IGSF9B: variants seen among roughly 807,000 people sequenced by gnomAD.
IGSF9B encodes the protein immunoglobulin superfamily member 9B.
In IGSF9B, 48 loss-of-function variants were observed where a neutral mutation model predicts 143.7. The ratio of observed to expected loss-of-function variants is 0.33; its 90% CI spans 0.26 to 0.42. The LOEUF is 0.42. Among genes scored for constraint, IGSF9B ranks in the 20% least tolerant of loss-of-function variants. The pLI is 1.00. For missense variants in IGSF9B, 1,706 were observed against 1,980.0 expected (o/e 0.86, Z 2.63); for synonymous variants, 903 against 833.1 (o/e 1.08, Z -1.44).
rs1939059962 is a variant in IGSF9B at position 133,898,499 on chromosome 11, A to T, written c.*10570T>A. On this transcript the variant is annotated 3_prime_UTR_variant, in exon 20 of 20. Transcript: ENST00000533871. ...AGTCCCTCCTGGGGAAGAGAAAAAC[A>T]CTGAAGACCAAGGGGCAGGAGTCAC... is the stretch of plus-strand genomic sequence containing the variant. The T allele has an allele frequency of 6.5e-6, 1 of 154,374 alleles. No individual in the cohort carries two copies. The highest frequency in any genetic ancestry group is 2.0e-4 in the South Asian group (1 of 4,920). 9.6% of individuals were successfully genotyped at this position (154,374 alleles called of 1,614,324 possible).
Position 133,911,941 on chromosome 11 carries a change from C to A in IGSF9B, c.4050G>T (p.Arg1350=). ...PERLEALKYQ[R]IKKPKKSSKG... is the part of the protein sequence containing the mutation. ...TGGATGACTTTTTGGGCTTCTTTAT[C>A]CGTTGGTATTTCAGAGCCTCCAGCC... Residue 1350 remains arginine, a synonymous_variant, in exon 19 of 20, where the codon CGG becomes CGT. Transcript: ENST00000533871. The A allele has an allele frequency of 6.5e-7, 1 of 1,534,996 alleles. No individual in the cohort carries two copies. The highest frequency in any genetic ancestry group is 8.7e-7 in the Non-Finnish European group (1 of 1,146,546).
rs927451664 is a variant in IGSF9B at position 133,948,935 on chromosome 11, G to A, written c.65-2677C>T. On this transcript the variant is annotated intron_variant, in intron 1 of 19. Transcript: ENST00000533871. This position sits in a 1 kb window ranked among gnomAD's most constrained non-coding sequence, Gnocchi z 4.7. ...TGGGTTGGCTTTGACGTGGGTTCCC[G>A]CTGTGAGGCTGCTCATTTGCACCGA... is the stretch of plus-strand genomic sequence containing the variant. 2.0e-5 allele frequency among the ~76,000 whole-genome samples: 3 copies of A among 152,234 alleles called. No individual in the cohort carries two copies. Among genetic ancestry groups the A allele is most frequent in the African/African-American group, 4.8e-5 (2 of 41,558 alleles).
intron 1 of IGSF9B, among the ~76,000 whole-genome samples, chr11:133,955,888 T>G (rs1591730206): frequency 6.7e-6 from 1 of 150,342 alleles, no homozygotes; most frequent in African/African-American, 2.4e-5. Context: ...GGACCCCCCC[T>G]TCCCCGCCCC....
rs549789616 is a variant in IGSF9B, at chr11:133,948,893, C to A, written c.65-2635G>T. Reference sequence around the variant, plus strand: ...CTGGCTTCCAGGTGGAGGGCTCTAGCGGGCAACGCCAGGAGGTGGGTTGGC... The same window carrying A: ...CTGGCTTCCAGGTGGAGGGCTCTAGAGGGCAACGCCAGGAGGTGGGTTGGC... On this transcript the variant is annotated intron_variant, in intron 1 of 19. Coordinates refer to ENST00000533871, the MANE Select transcript of IGSF9B (RefSeq NM_001277285.4). The surrounding 1 kb of genome is among the most constrained non-coding windows in gnomAD (Gnocchi z 4.7). 3.3e-5 allele frequency among the ~76,000 whole-genome samples: 5 copies of A among 152,254 alleles called. No homozygotes were observed. In the East Asian group the frequency reaches 9.7e-4, roughly 29 times the overall value.
chr11:133,919,304 T>G (rs12801289), intron 18 of IGSF9B, among the ~76,000 whole-genome samples: 66,388 of 151,812 alleles, frequency 0.44, 14,894 homozygotes, highest in East Asian at 0.64. Flanking sequence ...GGGTCCTGCT[T>G]AGCAAGCAGC....
chr11:133,915,238 C>T (rs545837988), intron 18 of IGSF9B, among the ~76,000 whole-genome samples: 16 of 148,326 alleles, frequency 1.1e-4, no homozygotes, highest in Admixed American at 9.4e-4. Context: ...GAACTACCAA[C>T]AATTGCCTGG....
At position 133,911,942 on chromosome 11, in the gene IGSF9B, C is replaced by T. The variant is rs1328067761; in HGVS notation, c.4049G>A (p.Arg1350Gln). The change falls in exon 19 of 20, where the codon CGG becomes CAG. Residue 1350 changes from arginine to glutamine, a missense_variant. Arg to Gln is a conservative substitution (Grantham distance 43). This residue lies in a region of IGSF9B where 880 missense variants were observed against 762.9 expected (regional missense o/e 1.15). Coordinates refer to ENST00000533871, the MANE Select transcript of IGSF9B (RefSeq NM_001277285.4). ...PERLEALKYQRIKKPKKSSKG... is the reference protein window; with the variant it reads ...PERLEALKYQQIKKPKKSSKG... ...GGATGACTTTTTGGGCTTCTTTATC[C>T]GTTGGTATTTCAGAGCCTCCAGCCT... 9.1e-6 allele frequency: 14 copies of T among 1,534,946 alleles called. No individual in the cohort carries two copies. Among genetic ancestry groups the T allele is most frequent in the South Asian group, 1.2e-5 (1 of 83,910 alleles).
rs1164384376 is a variant in IGSF9B, at chr11:133,931,828, T to C, written c.1111-33A>G. On this transcript the variant is annotated intron_variant, in intron 8 of 19. Coordinates refer to ENST00000533871, the MANE Select transcript of IGSF9B (RefSeq NM_001277285.4). This position sits in a 1 kb window ranked among gnomAD's most constrained non-coding sequence, Gnocchi z 7.7. ...ACACAGACGATAGGGCAGGGAACGC[T>C]GGTCAGAGACTCCGCGCTCCATCCC... 6.2e-7 allele frequency: 1 copy of C among 1,608,150 alleles called. No homozygotes were observed. The highest frequency in any genetic ancestry group is 1.1e-5 in the South Asian group (1 of 90,230).
At chr11:133,941,013 G>A (rs557236708) in intron 3 of IGSF9B, among the ~76,000 whole-genome samples, 15 of 152,256 alleles carry the variant, frequency 9.9e-5, no homozygotes, top group African/African-American at 3.4e-4. Flanking sequence ...CTGGTGCCAA[G>A]CTTAAAAGAA....
intron 18 of IGSF9B, among the ~76,000 whole-genome samples, chr11:133,912,515 C>T (rs536508357): frequency 1.3e-5 from 2 of 152,296 alleles, no homozygotes; most frequent in African/African-American, 2.4e-5. Flanking sequence ...ACAGGCTGCA[C>T]AAAACCCAGC....
intron 18 of IGSF9B, among the ~76,000 whole-genome samples, chr11:133,917,732 C>G (rs368600111): frequency 3.9e-5 from 6 of 152,112 alleles, no homozygotes; most frequent in Non-Finnish European, 8.8e-5. Flanking sequence ...TTGTACTCCT[C>G]GAGAGAGCCT....
In IGSF9B at chr11:133,905,949, T is replaced by G. The variant is rs1254848778; in HGVS notation, c.*3120A>C. On this transcript the variant is annotated 3_prime_UTR_variant, in exon 20 of 20. Coordinates refer to ENST00000533871, the MANE Select transcript of IGSF9B (RefSeq NM_001277285.4). This position sits in a 1 kb window ranked among gnomAD's most constrained non-coding sequence, Gnocchi z 4.0. ...GGCCCCGCTAAGAACCGTTTTCCCC[T>G]CTTCCTGGTCTGTGGGTCACCTGAC... Among the ~76,000 whole-genome samples, 1 of 152,234 alleles carries G rather than the reference T, an allele frequency of 6.6e-6. No individual in the cohort carries two copies. Among genetic ancestry groups the G allele is most frequent in the Non-Finnish European group, 1.5e-5 (1 of 68,038 alleles).
chr11:133,944,535 G>A (rs986067868), intron 2 of IGSF9B, among the ~76,000 whole-genome samples, 169 bp from the exon 3 acceptor site: 2 of 152,158 alleles, frequency 1.3e-5, no homozygotes. Context: ...AGGTGGCAAA[G>A]GAAAGGGCAT....
In IGSF9B at chr11:133,902,024, C is replaced by A. The variant is rs1282038280; in HGVS notation, c.*7045G>T. Among the ~76,000 whole-genome samples the A allele has an allele frequency of 1.5e-5, 2 of 136,994 alleles. No individual in the cohort carries two copies. Among genetic ancestry groups the A allele is most frequent in the African/African-American group, 3.0e-5 (1 of 33,798 alleles). 89.9% of individuals were successfully genotyped at this position (136,994 alleles called of 152,430 possible). A position where few individuals can be genotyped will look rare whatever the true frequency, so the allele number is the denominator to read the frequency against. On this transcript the variant is annotated 3_prime_UTR_variant, in exon 20 of 20. Coordinates refer to ENST00000533871, the MANE Select transcript of IGSF9B (RefSeq NM_001277285.4). ...CACACACACACCAGACATACACACA[C>A]CATACCACACACCACACCCACACAC...
intron 3 of IGSF9B, among the ~76,000 whole-genome samples, chr11:133,939,677 C>T (rs571046054): frequency 1.3e-5 from 2 of 152,376 alleles, no homozygotes; most frequent in East Asian, 1.9e-4. Flanking sequence ...CAGGGGCGCA[C>T]GGAGGGTGGC....
At position 133,920,734 on chromosome 11, in the gene IGSF9B, C is replaced by A; in HGVS notation, c.2991G>T (p.Ser997=). ...EVGSPLSSVM[S]SPPLPTEGPF... is the part of the protein sequence containing the mutation. ...GCCCCTCGGTGGGCAGGGGCGGGGACGACATGACGGAGCTCAGGGGGCTGC... is the reference window on the plus strand; with the variant it reads ...GCCCCTCGGTGGGCAGGGGCGGGGAAGACATGACGGAGCTCAGGGGGCTGC... The change falls in exon 18 of 20, where the codon TCG becomes TCT. Residue 997 remains serine (S), a synonymous_variant. Coordinates refer to ENST00000533871, the MANE Select transcript of IGSF9B (RefSeq NM_001277285.4). 6.2e-7 allele frequency: 1 copy of A among 1,612,892 alleles called. No homozygotes were observed. The highest frequency in any genetic ancestry group is 8.5e-7 in the Non-Finnish European group (1 of 1,179,526).
In IGSF9B at chr11:133,936,181, G is replaced by A. The variant is rs751952751; in HGVS notation, c.693C>T (p.Ile231=). Reference sequence around the variant, plus strand: ...CGGTGATGTTCTCAGGAGGGGAGACGATGAAAGGGGGCCCTGGGGAGAGCA... The same window carrying A: ...CGGTGATGTTCTCAGGAGGGGAGACAATGAAAGGGGGCCCTGGGGAGAGCA... ...THLLVQGPPF[I]VSPPENITVN... The change falls in exon 6 of 20, where the codon ATC becomes ATT. Residue 231 remains isoleucine, a synonymous_variant. Coordinates refer to ENST00000533871, the MANE Select transcript of IGSF9B (RefSeq NM_001277285.4). The A allele has an allele frequency of 3.0e-5, 49 of 1,610,310 alleles. No homozygotes were observed. The highest frequency in any genetic ancestry group is 3.7e-5 in the Non-Finnish European group (44 of 1,178,548).
chr11:133,932,013 GCAT>G, intron 8 of IGSF9B, 55 bp downstream of exon 8: 1 of 1,559,956 alleles, frequency 6.4e-7, no homozygotes, highest in Non-Finnish European at 8.7e-7. Flanking sequence ...CCCAGAGGTG[GCAT>G]CACAGTACTG....
intron 1 of IGSF9B, chr11:133,952,085 C>G (rs1357926888): frequency 6.6e-6 from 3 of 455,098 alleles, no homozygotes; most frequent in African/African-American, 2.0e-5. Flanking sequence ...TGAGACTCCT[C>G]CCAGCTCTGG....
Sources: gnomAD v4.1 joint callset for allele counts (sites outside exome capture counted in the v4.1 genomes callset) on GRCh38, gnomAD v4.1.1 for gene constraint, gnomAD v4.1.1 regional missense constraint, Gnocchi (gnomAD v3.1) non-coding constraint, MANE v1.5 for transcripts, NCBI Gene and HGNC (gene_info 2026-07-23, HGNC 2026-07-21) for gene names.